The following KLHL18 variants were observed in gnomAD, a reference collection of about 807,000 sequenced individuals.
KLHL18 encodes the protein kelch-like protein 18.
A neutral mutation model predicts 58.5 loss-of-function variants in KLHL18; 38 were observed. That is an observed-to-expected ratio of 0.65 (90% CI 0.50 to 0.85). The LOEUF (loss-of-function observed/expected upper bound fraction) is 0.85. Among genes scored for constraint, KLHL18 ranks in the 40% least tolerant of loss-of-function variants. KLHL18 has a pLI of 0.00. For missense variants in KLHL18, 624 were observed against 778.4 expected (o/e 0.80, Z 2.36); for synonymous variants, 303 against 301.9 (o/e 1.00, Z -0.04).
At chr3:47,338,001 ACTGTGGTTAATATC>A in intron 7 of KLHL18, 1 of 152,042 alleles carries the variant, frequency 6.6e-6, no homozygotes, top group East Asian at 1.9e-4. Flanking sequence ...CCTTTCCTTC[ACTGTGGTTAATATC>A]CTGTTATTAG....
chr3:47,314,346 G>A (rs1474680257), intron 1 of KLHL18, among the ~76,000 whole-genome samples: 1 of 152,184 alleles, frequency 6.6e-6, no homozygotes. Flanking sequence ...GAGTGTTTGG[G>A]TTTTTAAAAG....
intron 1 of KLHL18, among the ~76,000 whole-genome samples, chr3:47,303,656 C>G (rs1703074471): frequency 6.6e-6 from 1 of 152,142 alleles, no homozygotes; most frequent in African/African-American, 2.4e-5. Context: ...CTGCAGGGCT[C>G]AAGCAATTCT....
intron 1 of KLHL18, among the ~76,000 whole-genome samples, chr3:47,314,704 T>A (rs1703382045): frequency 6.6e-6 from 1 of 152,222 alleles, no homozygotes; most frequent in Middle Eastern, 3.2e-3. Flanking sequence ...CTAATCCATG[T>A]GATAGCCCTT....
chr3:47,309,871 C>T (rs1472174207), intron 1 of KLHL18, among the ~76,000 whole-genome samples: 3 of 151,996 alleles, frequency 2.0e-5, no homozygotes, highest in Non-Finnish European at 4.4e-5. Context: ...CGTGGCAGCG[C>T]GCGCCTGCAC....
intron 2 of KLHL18, among the ~76,000 whole-genome samples, chr3:47,321,292 C>T (rs1444419410): frequency 1.3e-5 from 2 of 151,802 alleles, no homozygotes; most frequent in Admixed American, 6.6e-5. Context: ...CCTCAGCCTC[C>T]CATGAGTAGC....
At chr3:47,316,024 G>C (rs1426789434) in intron 1 of KLHL18, among the ~76,000 whole-genome samples, 1 of 152,128 alleles carries the variant, frequency 6.6e-6, no homozygotes, top group Non-Finnish European at 1.5e-5. Context: ...GGAAAGTGAG[G>C]AAGAACAATA....
intron 1 of KLHL18, among the ~76,000 whole-genome samples, chr3:47,294,323 G>T (rs1702852436): frequency 6.6e-6 from 1 of 152,294 alleles, no homozygotes; most frequent in Non-Finnish European, 1.5e-5. Flanking sequence ...GGTGCTGAGG[G>T]TGCAGCAGTG....
At chr3:47,305,118 T>C (rs1490665180) in intron 1 of KLHL18, among the ~76,000 whole-genome samples, 1 of 152,114 alleles carries the variant, frequency 6.6e-6, no homozygotes, top group Non-Finnish European at 1.5e-5. Flanking sequence ...TTTTATTTCA[T>C]TTTGTTGCCT....
intron 1 of KLHL18, among the ~76,000 whole-genome samples, chr3:47,302,299 A>G (rs898143289): frequency 1.3e-5 from 2 of 152,164 alleles, no homozygotes; most frequent in African/African-American, 4.8e-5. Flanking sequence ...ATTCTGGCCA[A>G]CATGGCGAAA....
intron 8 of KLHL18, 52 bp from the exon 9 acceptor site, chr3:47,342,667 A>G: frequency 2.0e-6 from 3 of 1,491,084 alleles, no homozygotes; most frequent in South Asian, 1.1e-5. Context: ...TCTTGAGGGA[A>G]CAAGAACCCT....
At chr3:47,295,652 C>G (rs1156885191) in intron 1 of KLHL18, among the ~76,000 whole-genome samples, 1 of 151,976 alleles carries the variant, frequency 6.6e-6, no homozygotes, top group Admixed American at 6.6e-5. Flanking sequence ...ATTGTAACCT[C>G]GAATTCCTGG....
At chr3:47,288,722 G>C (rs569137420) in intron 1 of KLHL18, among the ~76,000 whole-genome samples, 1 of 152,194 alleles carries the variant, frequency 6.6e-6, no homozygotes, top group Admixed American at 6.6e-5. Flanking sequence ...ATCACATTCT[G>C]TATCTCCCAT....
intron 3 of KLHL18, among the ~76,000 whole-genome samples, chr3:47,329,397 T>C (rs1488377584): frequency 1.7e-4 from 26 of 151,958 alleles, no homozygotes. Flanking sequence ...CCGGCTAATT[T>C]TTTGTATTTT....
chr3:47,290,995 C>G (rs760580678), intron 1 of KLHL18, among the ~76,000 whole-genome samples: 3 of 152,104 alleles, frequency 2.0e-5, no homozygotes, highest in African/African-American at 4.8e-5. Context: ...CTGGACTATC[C>G]GTTACCAGTC....
At position 47,283,006 on chromosome 3, in the gene KLHL18, A is replaced by G. The variant is rs1376764613; in HGVS notation, c.41A>G (p.His14Arg). 2 of 1,610,678 alleles carry G rather than the reference A, an allele frequency of 1.2e-6. No individual in the cohort carries two copies. The highest frequency in any genetic ancestry group is 8.5e-7 in the Non-Finnish European group (1 of 1,178,868). ...DGAEELEDLVHFSVSELPSRG... is the reference protein window; with the variant it reads ...DGAEELEDLVRFSVSELPSRG... ...GCGGAGGAGCTGGAGGATCTGGTGCACTTCTCCGTGTCTGAGTTGCCTAGT... is the reference window on the plus strand; with the variant it reads ...GCGGAGGAGCTGGAGGATCTGGTGCGCTTCTCCGTGTCTGAGTTGCCTAGT... Residue 14 changes from histidine (H) to arginine (R), a missense_variant, in exon 1 of 10, where the codon CAC (histidine) becomes CGC (arginine). His to Arg is a conservative substitution (Grantham distance 29, BLOSUM62 0). Transcript: ENST00000232766.
intron 7 of KLHL18, among the ~76,000 whole-genome samples, chr3:47,339,726 GC>G (rs1332907179): frequency 2.0e-5 from 3 of 152,152 alleles, no homozygotes; most frequent in African/African-American, 7.2e-5. Flanking sequence ...ACAGGTGAAG[GC>G]CCTTTCCTGT....
In KLHL18 at chr3:47,324,298, C is replaced by CTT. The variant is rs769288621; in HGVS notation, c.401+1615_401+1616dup. ...CTTCCTTTTTTCTTTTTCTTTCTTT[C>CTT]TTTTTTTTTTTTTTTTTTTTTTTTT... On this transcript the variant is annotated intron_variant, in intron 3 of 9. Coordinates refer to ENST00000232766, the MANE Select transcript of KLHL18 (RefSeq NM_025010.5). Among the ~76,000 whole-genome samples the CTT allele has an allele frequency of 1.9e-3, 70 of 37,472 alleles. 8 individuals carry two copies. The highest frequency in any genetic ancestry group is 4.4e-3 in the African/African-American group (44 of 9,974). The allele number at this position is 37,472 out of a possible 152,430, so 24.6% of individuals were successfully genotyped here.
chr3:47,322,635 T>G lies in KLHL18; in HGVS notation c.328T>G (p.Ser110Ala). The change falls in exon 3 of 10, where the codon TCA becomes GCA. Residue 110 changes from serine to alanine, a missense_variant. Physicochemically the swap from Ser to Ala is moderately conservative, Grantham distance 99. Transcript: ENST00000232766. ...NLAIDQQNVQ[S>A]LLMGASFLQL... Reference sequence around the variant, plus strand: ...TGCCATTGACCAGCAAAATGTCCAGTCATTGCTGATGGGGGCGAGCTTCCT... The same window carrying G: ...TGCCATTGACCAGCAAAATGTCCAGGCATTGCTGATGGGGGCGAGCTTCCT... 1 of 1,604,518 alleles carries G rather than the reference T, an allele frequency of 6.2e-7. No homozygotes were observed. The highest frequency in any genetic ancestry group is 8.5e-7 in the Non-Finnish European group (1 of 1,175,960).
chr3:47,312,501 G>A (rs1037875166), intron 1 of KLHL18, among the ~76,000 whole-genome samples: 1 of 152,110 alleles, frequency 6.6e-6, no homozygotes, highest in African/African-American at 2.4e-5. Flanking sequence ...AAAATTGTGT[G>A]GCACCAGTTC....
Sources: gnomAD v4.1 joint callset for allele counts (sites outside exome capture counted in the v4.1 genomes callset) on GRCh38, gnomAD v4.1.1 for gene constraint, MANE v1.5 for transcripts, NCBI Gene and HGNC (gene_info 2026-07-23, HGNC 2026-07-21) for gene names.